The following AOAH variants were observed in gnomAD, a reference collection of about 807,000 sequenced individuals.
AOAH encodes acyloxyacyl hydrolase (neutrophil).
Under a neutral mutation model 92.2 loss-of-function variants are expected in AOAH, and 64 were observed. The ratio of observed to expected loss-of-function variants is 0.69; its 90% CI spans 0.57 to 0.86. The LOEUF (loss-of-function observed/expected upper bound fraction) is 0.86. AOAH is among the 40% of genes least tolerant of loss of function. The probability of loss-of-function intolerance (pLI) is 0.00; values close to 1 mark genes in which losing one functional copy is unlikely to be tolerated. For synonymous variants in AOAH, 263 were observed against 254.5 expected (o/e 1.03, Z -0.32); for missense variants, 656 against 694.6 (o/e 0.94, Z 0.62).
chr7:36,670,752 G>A (rs1795870798), intron 3 of AOAH, among the ~76,000 whole-genome samples: 1 of 152,188 alleles, frequency 6.6e-6, no homozygotes, highest in African/African-American at 2.4e-5. Context: ...TGAGATTACA[G>A]GCGTGAGCCA....
intron 16 of AOAH, among the ~76,000 whole-genome samples, chr7:36,535,012 GTGTGTCTGTGTC>G (rs1486301560): frequency 5.7e-4 from 40 of 69,816 alleles, no homozygotes; most frequent in Non-Finnish European, 9.4e-4. Flanking sequence ...GTGTATCTGT[GTGTGTCTGTGTC>G]TGTGTGTGTG....
intron 1 of AOAH, among the ~76,000 whole-genome samples, chr7:36,691,428 G>C (rs552680635): frequency 6.6e-6 from 1 of 152,166 alleles, no homozygotes; most frequent in Non-Finnish European, 1.5e-5. Flanking sequence ...ACACAACGCC[G>C]GTGTGAATCT....
intron 20 of AOAH, among the ~76,000 whole-genome samples, chr7:36,521,013 C>T (rs1265854657): frequency 6.6e-6 from 1 of 152,098 alleles, no homozygotes; most frequent in Non-Finnish European, 1.5e-5. Flanking sequence ...ATTCTTGTTC[C>T]TTTTGAGGTG....
chr7:36,621,587 T>A (rs1274460025), intron 8 of AOAH, 123 bp downstream of exon 8: 13 of 944,134 alleles, frequency 1.4e-5, no homozygotes, highest in Non-Finnish European at 2.0e-5. Context: ...TTTACTTCAA[T>A]CGGAACATGA....
At chr7:36,677,965 C>T (rs114598178) in intron 2 of AOAH, among the ~76,000 whole-genome samples, 5 of 151,912 alleles carry the variant, frequency 3.3e-5, no homozygotes, top group South Asian at 4.2e-4. Context: ...TGTTTGGGGG[C>T]GGATGCTAAA....
rs1471638324 is a variant in AOAH at position 36,619,980 on chromosome 7, G to A, written c.702+801C>T. On this transcript the variant is annotated intron_variant, in intron 9 of 20. Coordinates refer to ENST00000617537, the MANE Select transcript of AOAH (RefSeq NM_001637.4). ...CCCTGCCCATGTGAGTACTGGGAGT[G>A]ACTGGGAGCAATAGAGTATTCTAGG... 2.0e-5 allele frequency among the ~76,000 whole-genome samples: 3 copies of A among 152,210 alleles called. No homozygotes were observed. In the East Asian group the frequency reaches 5.8e-4, roughly 29 times the overall value.
intron 11 of AOAH, among the ~76,000 whole-genome samples, chr7:36,613,173 A>C (rs562027376): frequency 4.3e-4 from 66 of 152,210 alleles, no homozygotes; most frequent in Admixed American, 6.5e-5. Flanking sequence ...TCCTCATGTG[A>C]GAACAATAGC....
At chr7:36,581,898 C>A (rs978928151) in intron 12 of AOAH, among the ~76,000 whole-genome samples, 1 of 152,118 alleles carries the variant, frequency 6.6e-6, no homozygotes, top group Non-Finnish European at 1.5e-5. Context: ...ATCCCCATCC[C>A]GAATCTATAA....
At chr7:36,515,874 A>C (rs1463744270) in intron 20 of AOAH, among the ~76,000 whole-genome samples, 8 of 105,646 alleles carry the variant, frequency 7.6e-5, no homozygotes, top group African/African-American at 3.0e-4. Flanking sequence ...AACACCACAC[A>C]CACCACACAC....
At chr7:36,639,933 A>T (rs1307801646) in intron 4 of AOAH, among the ~76,000 whole-genome samples, 3 of 152,168 alleles carry the variant, frequency 2.0e-5, no homozygotes. Context: ...CATTTTAACC[A>T]AGCTCGGTTC....
At chr7:36,659,010 CAGG>C (rs778531976) in intron 4 of AOAH, among the ~76,000 whole-genome samples, 153 bp downstream of exon 4, 3 of 152,152 alleles carry the variant, frequency 2.0e-5, no homozygotes, top group Non-Finnish European at 4.4e-5. Context: ...GGCCAAAATG[CAGG>C]AATATTATTT....
chr7:36,674,011 T>C lies in AOAH; in HGVS notation c.224-2A>G. On this transcript the variant is annotated splice_acceptor_variant, in intron 2 of 20. Coordinates refer to ENST00000617537, the MANE Select transcript of AOAH (RefSeq NM_001637.4). LOFTEE classifies it high-confidence loss of function. ...AGGTGGTTTTCAAGAACAGTTTTTC[T>C]AAAAAATATAAAGAGGGAAATTGAA... 1 of 1,570,484 alleles carries C rather than the reference T, an allele frequency of 6.4e-7. No homozygotes were observed. The highest frequency in any genetic ancestry group is 8.8e-7 in the Non-Finnish European group (1 of 1,141,582).
intron 2 of AOAH, among the ~76,000 whole-genome samples, chr7:36,679,170 C>T (rs376022814): frequency 1.3e-3 from 198 of 152,078 alleles, no homozygotes; most frequent in Middle Eastern, 3.4e-3. Context: ...TTCATGTTTA[C>T]CATCACTTCC....
At chr7:36,713,506 C>A (rs1176248594) in intron 1 of AOAH, among the ~76,000 whole-genome samples, 3 of 152,186 alleles carry the variant, frequency 2.0e-5, no homozygotes, top group Non-Finnish European at 4.4e-5. Flanking sequence ...ACTCTCCACC[C>A]CAAATCAACA....
intron 13 of AOAH, among the ~76,000 whole-genome samples, chr7:36,576,369 G>A (rs1479337478): frequency 1.1e-4 from 17 of 152,208 alleles, no homozygotes; most frequent in Admixed American, 1.1e-3. Context: ...CCCCTTGACT[G>A]CAGCTTGTTT....
intron 12 of AOAH, among the ~76,000 whole-genome samples, chr7:36,592,174 AT>A (rs1789790466): frequency 6.6e-6 from 1 of 152,152 alleles, no homozygotes; most frequent in Non-Finnish European, 1.5e-5. Flanking sequence ...AGATACTTTT[AT>A]TGAGAAATGA....
Position 36,659,277 on chromosome 7 carries a change from C to T in AOAH, c.291-12G>A, listed in dbSNP as rs182491266. 2,298 of 1,605,366 alleles carry T rather than the reference C, an allele frequency of 1.4e-3. 4 individuals carry two copies. The highest frequency in any genetic ancestry group is 1.7e-3 in the Non-Finnish European group (1,971 of 1,172,124). On this transcript the variant is annotated splice_polypyrimidine_tract_variant and intron_variant, in intron 3 of 20. Coordinates refer to ENST00000617537, the MANE Select transcript of AOAH (RefSeq NM_001637.4). ...TATCTGCGCTAAGCCTGGAGGGAAA[C>T]GGTGCAAAACAAAGGCTATTCAGAT...
chr7:36,524,429 A>G (rs1437891466), intron 19 of AOAH, among the ~76,000 whole-genome samples: 1 of 151,658 alleles, frequency 6.6e-6, no homozygotes, highest in East Asian at 1.9e-4. Context: ...GGTTGATCAC[A>G]AGGTCAGGCA....
chr7:36,627,100 T>C (rs1436926457), intron 6 of AOAH, among the ~76,000 whole-genome samples: 3 of 152,202 alleles, frequency 2.0e-5, no homozygotes, highest in Admixed American at 2.0e-4. Flanking sequence ...GGAATCATAT[T>C]AGATACCAGA....
Sources: allele counts gnomAD v4.1 joint callset (sites outside exome capture counted in the v4.1 genomes callset), GRCh38; gene constraint gnomAD v4.1.1; transcripts MANE v1.5; gene names NCBI Gene and HGNC (gene_info 2026-07-23, HGNC 2026-07-21).